ACYP2: variants seen among roughly 807,000 people sequenced by gnomAD.
The protein encoded by ACYP2 is acylphosphatase-2.
In ACYP2, 12 loss-of-function variants were observed where a neutral mutation model predicts 11.2. That is an observed-to-expected ratio of 1.08 (90% CI 0.69 to 1.74). ACYP2 has a LOEUF of 1.74. ACYP2 is among the 40% of genes most tolerant of loss of function. ACYP2 has a pLI of 0.00. For missense variants in ACYP2, 134 were observed against 101.9 expected (o/e 1.31, Z -1.35); for synonymous variants, 43 against 32.2 (o/e 1.33, Z -1.13).
intron 2 of ACYP2, among the ~76,000 whole-genome samples, chr2:53,991,217 A>T (rs1294382860): frequency 2.6e-5 from 4 of 152,228 alleles, no homozygotes; most frequent in African/African-American, 9.6e-5. Flanking sequence ...GCTGAGTAGC[A>T]TTCTATGAAC....
At chr2:54,103,479 C>T (rs931210741) in intron 4 of ACYP2, among the ~76,000 whole-genome samples, 1 of 152,124 alleles carries the variant, frequency 6.6e-6, no homozygotes, top group Non-Finnish European at 1.5e-5. Context: ...TCATTTGCTT[C>T]CTAACTTTGT....
chr2:54,301,788 A>G (rs1689736792), intron 6 of ACYP2, among the ~76,000 whole-genome samples: 1 of 152,094 alleles, frequency 6.6e-6, no homozygotes, highest in Non-Finnish European at 1.5e-5. Context: ...CCATCTTTAG[A>G]CCTCAGCCAC....
chr2:54,113,567 C>G (rs763212890), intron 4 of ACYP2, among the ~76,000 whole-genome samples: 11 of 151,974 alleles, frequency 7.2e-5, no homozygotes, highest in Non-Finnish European at 1.6e-4. Flanking sequence ...AAAAAAAATT[C>G]TGTTTGAGGT....
intron 6 of ACYP2, among the ~76,000 whole-genome samples, chr2:54,178,805 G>C (rs1227232283): frequency 6.6e-6 from 1 of 152,210 alleles, no homozygotes; most frequent in Non-Finnish European, 1.5e-5. Context: ...AAGAGAGTAA[G>C]ATTGGAACAA....
intron 2 of ACYP2, among the ~76,000 whole-genome samples, chr2:54,013,601 C>T (rs1248653303): frequency 6.6e-6 from 1 of 151,876 alleles, no homozygotes; most frequent in Non-Finnish European, 1.5e-5. Flanking sequence ...CGCACGGCCA[C>T]CATCTAATAA....
At chr2:54,285,040 G>T (rs139924424) in intron 6 of ACYP2, among the ~76,000 whole-genome samples, 6 of 152,242 alleles carry the variant, frequency 3.9e-5, no homozygotes, top group African/African-American at 7.2e-5. Context: ...CACGATCAAG[G>T]CACTAGCAGA....
intron 6 of ACYP2, among the ~76,000 whole-genome samples, chr2:54,246,785 T>G (rs181281575): frequency 6.6e-6 from 1 of 152,272 alleles, no homozygotes; most frequent in Admixed American, 6.5e-5. Flanking sequence ...CTGAATTGAG[T>G]GGGAATACCT....
intron 6 of ACYP2, among the ~76,000 whole-genome samples, chr2:54,284,937 C>T (rs1488456536): frequency 1.3e-5 from 2 of 152,162 alleles, no homozygotes; most frequent in Non-Finnish European, 2.9e-5. Context: ...TGAGCATCTT[C>T]GTTTCTTCAG....
chr2:54,145,793 A>T (rs1681855983), intron 6 of ACYP2, among the ~76,000 whole-genome samples: 1 of 152,186 alleles, frequency 6.6e-6, no homozygotes, highest in South Asian at 2.1e-4. Context: ...AACTCTATAT[A>T]TCCATCAATA....
intron 4 of ACYP2, among the ~76,000 whole-genome samples, chr2:54,091,389 G>A (rs1678217952): frequency 6.6e-6 from 1 of 152,030 alleles, no homozygotes; most frequent in African/African-American, 2.4e-5. Flanking sequence ...ATCCATGAAG[G>A]TAAATAACAA....
chr2:54,026,447 T>C (rs1042085523), intron 2 of ACYP2, among the ~76,000 whole-genome samples: 1 of 152,194 alleles, frequency 6.6e-6, no homozygotes, highest in Non-Finnish European at 1.5e-5. Context: ...GGAACACTTT[T>C]ACACTGCTGG....
chr2:54,238,846 A>C (rs1686611829), intron 6 of ACYP2, among the ~76,000 whole-genome samples: 1 of 151,764 alleles, frequency 6.6e-6, no homozygotes, highest in Non-Finnish European at 1.5e-5. Context: ...TTATAAGTAC[A>C]AAGGCTAAAA....
At chr2:53,978,969 T>C (rs1447691170) in intron 2 of ACYP2, among the ~76,000 whole-genome samples, 1 of 152,072 alleles carries the variant, frequency 6.6e-6, no homozygotes. Context: ...CAGCACGTGA[T>C]ACCTGATAAT....
In ACYP2 at chr2:54,210,575, T is replaced by C. The variant is rs549298009; in HGVS notation, c.404+71827T>C. Among the ~76,000 whole-genome samples, 10 of 152,326 alleles carry C rather than the reference T, an allele frequency of 6.6e-5. No homozygotes were observed. In the South Asian group the frequency reaches 1.9e-3, roughly 28 times the overall value. The stretch of plus-strand genomic sequence containing the variant: ...TAGTAGAAAGATGTTGCCACAAGTC[T>C]AGTTCTATGGTTCATCTGTTTCTGT... On this transcript the variant is annotated intron_variant, in intron 6 of 6. Transcript: ENST00000607452.
chr2:54,092,739 T>TA (rs1678302224), intron 4 of ACYP2, among the ~76,000 whole-genome samples: 2 of 152,250 alleles, frequency 1.3e-5, no homozygotes, highest in Middle Eastern at 3.4e-3. Context: ...GGGGTGAACT[T>TA]ACTATAGAAG....
At chr2:54,269,349 CAT>C (rs1157212507) in intron 6 of ACYP2, among the ~76,000 whole-genome samples, 1 of 152,180 alleles carries the variant, frequency 6.6e-6, no homozygotes, top group Non-Finnish European at 1.5e-5. Flanking sequence ...TTAGGAGCTA[CAT>C]ACAAGAAATA....
chr2:54,170,328 T>G (rs955607290), intron 6 of ACYP2, among the ~76,000 whole-genome samples: 1 of 152,118 alleles, frequency 6.6e-6, no homozygotes, highest in East Asian at 1.9e-4. Flanking sequence ...CATTTTTGTA[T>G]TATTAGTAGA....
chr2:54,255,864 C>T (rs61738381), intron 6 of ACYP2: 12 of 1,614,036 alleles, frequency 7.4e-6, no homozygotes, highest in South Asian at 1.1e-5. Flanking sequence ...CTTCTAGGCC[C>T]TCCGCGGGTG....
intron 6 of ACYP2, among the ~76,000 whole-genome samples, chr2:54,258,893 A>G (rs1200723742): frequency 6.6e-6 from 1 of 152,252 alleles, no homozygotes; most frequent in African/African-American, 2.4e-5. Flanking sequence ...ATGAAGTAGC[A>G]TGACAAAAAA....
Sources: gnomAD v4.1 joint callset for allele counts (sites outside exome capture counted in the v4.1 genomes callset) on GRCh38, gnomAD v4.1.1 for gene constraint, MANE v1.5 for transcripts, NCBI Gene and HGNC (gene_info 2026-07-23, HGNC 2026-07-21) for gene names.